Variants in LRP2 observed in about 807,000 individuals in gnomAD.
LRP2 encodes the protein low-density lipoprotein receptor-related protein 2.
LRP2 carries 172 observed loss-of-function variants against 531.0 expected under a neutral mutation model. The ratio of observed to expected loss-of-function variants is 0.32; its 90% confidence interval spans 0.29 to 0.37. The LOEUF is 0.37. LRP2 is among the 10% of genes least tolerant of loss of function. The pLI is 1.00. For missense variants in LRP2, 5,167 were observed against 5,868.3 expected, an observed-to-expected ratio of 0.88 and a Z score of 3.90; for synonymous variants, 1,992 against 2,027.6, an observed-to-expected ratio of 0.98 and a Z score of 0.47.
At chr2:169,305,622 G>C (rs889940047) in intron 4 of LRP2, among the ~76,000 whole-genome samples, 2 of 152,078 alleles carry the variant, frequency 1.3e-5, no homozygotes, top group African/African-American at 4.8e-5. Flanking sequence ...GATTTCTAAG[G>C]TACACAAAAA....
Position 169,345,884 on chromosome 2 carries a change from A to G in LRP2, c.79+16437T>C, listed in dbSNP as rs112637319. On this transcript the variant is annotated intron_variant, in intron 1 of 78. Coordinates refer to ENST00000649046, the MANE Select transcript of LRP2 (RefSeq NM_004525.3). ...AAAACAAAACAAAACAAAACAAAAC[A>G]AAAGTCAATTGTCTTTGATCCACCA... Among the ~76,000 whole-genome samples the G allele has an allele frequency of 3.8e-3, 581 of 152,280 alleles. 3 individuals carry two copies. Among genetic ancestry groups the G allele is most frequent in the African/African-American group, 0.012 (503 of 41,546 alleles).
At chr2:169,288,302 G>A (rs1683909839) in intron 9 of LRP2, among the ~76,000 whole-genome samples, 1 of 152,162 alleles carries the variant, frequency 6.6e-6, no homozygotes, top group Non-Finnish European at 1.5e-5. Context: ...GAGATATAAA[G>A]CTGGCATCAA....
intron 15 of LRP2, chr2:169,271,559 T>A (rs1208130040): frequency 5.5e-6 from 1 of 183,350 alleles, no homozygotes; most frequent in African/African-American, 2.4e-5. Context: ...AATTAGATAC[T>A]GAGTTTTAAT....
intron 41 of LRP2, 21 bp from the exon 42 acceptor site, chr2:169,204,292 A>T (rs1474170268): frequency 6.8e-6 from 11 of 1,606,714 alleles, no homozygotes; most frequent in Non-Finnish European, 9.3e-6. Flanking sequence ...GCAAAAAAAA[A>T]TTTAGAAGTT....
chr2:169,277,874 C>T lies in LRP2; in HGVS notation c.1643G>A (p.Arg548His), dbSNP rs761553601. Residue 548 changes from arginine to histidine, a missense_variant, in exon 13 of 79, where the codon CGT becomes CAT. This residue lies in a region of LRP2 where 2,811 missense variants were observed against 3,058.0 expected (regional missense o/e 0.92). Transcript: ENST00000649046. ...LERAFMDGSN[R>H]KDLVKTKLGW... The stretch of plus-strand genomic sequence containing the variant: ...CAGCTTTGTTTTCACCAAGTCTTTA[C>T]GGTTGCTGCCATCCATGAATGCCCT... 8.1e-6 allele frequency: 13 copies of T among 1,613,958 alleles called. No homozygotes were observed. Among genetic ancestry groups the T allele is most frequent in the East Asian group, 2.2e-5 (1 of 44,894 alleles).
chr2:169,327,883 T>TG (rs1559077808), intron 1 of LRP2, among the ~76,000 whole-genome samples: 1 of 45,500 alleles, frequency 2.2e-5, no homozygotes, highest in Non-Finnish European at 4.0e-5. Flanking sequence ...GGAAGGGAGG[T>TG]GGGGGGGTCA....
rs1558971621 is a variant in LRP2, at chr2:169,137,507, CAGAAAGAGAGAG to C, written c.13519-26_13519-15del. ...AAAGTCTTCACTCTGATGGCAGAGA[CAGAAAGAGAGAG>C]AGAGAGAGAGAGAGAAACAGAGAGA... is the stretch of plus-strand genomic sequence containing the variant. On this transcript the variant is annotated splice_polypyrimidine_tract_variant and intron_variant, in intron 75 of 78. Transcript: ENST00000649046. 6.9e-7 allele frequency: 1 copy of C among 1,444,788 alleles called. No homozygotes were observed. 89.5% of individuals were successfully genotyped at this position (1,444,788 alleles called of 1,614,324 possible).
In LRP2 at chr2:169,359,447, CT is replaced by C. The variant is rs528635247; in HGVS notation, c.79+2873del. ...GACTAAACATAGAATACTCAGAGCT[CT>C]TTTTTTTCCCCTCCAATTTTTAGTG... On this transcript the variant is annotated intron_variant, in intron 1 of 78. Transcript: ENST00000649046. 5.0e-3 allele frequency among the ~76,000 whole-genome samples: 764 copies of C among 152,166 alleles called. 10 individuals carry two copies. Among genetic ancestry groups the C allele is most frequent in the African/African-American group, 0.018 (731 of 41,494 alleles).
intron 16 of LRP2, among the ~76,000 whole-genome samples, chr2:169,262,868 A>T (rs1690625435): frequency 2.0e-5 from 3 of 152,222 alleles, no homozygotes; most frequent in Non-Finnish European, 4.4e-5. Flanking sequence ...ATAGTAAGCA[A>T]AACAGCATGG....
intron 24 of LRP2, among the ~76,000 whole-genome samples, chr2:169,242,520 G>A (rs960204894): frequency 6.6e-6 from 1 of 151,686 alleles, no homozygotes; most frequent in Admixed American, 6.6e-5. Flanking sequence ...ACACATAATA[G>A]CACAAAGAAT....
chr2:169,204,478 T>G (rs1326443517), intron 41 of LRP2, among the ~76,000 whole-genome samples: 2 of 152,186 alleles, frequency 1.3e-5, no homozygotes, highest in African/African-American at 4.8e-5. Flanking sequence ...AATCATTGAC[T>G]TCCAAATATG....
intron 76 of LRP2, among the ~76,000 whole-genome samples, chr2:169,136,752 T>C (rs1685530142): frequency 6.6e-6 from 1 of 151,968 alleles, no homozygotes; most frequent in East Asian, 1.9e-4. Flanking sequence ...TGACTCTCTT[T>C]TCGGACTCAG....
chr2:169,139,202 A>G, intron 74 of LRP2, 49 bp downstream of exon 74: 2 of 1,613,286 alleles, frequency 1.2e-6, no homozygotes, highest in South Asian at 1.1e-5. Context: ...ATGGCTTCAT[A>G]TGAATTTCTT....
chr2:169,223,029 T>A (rs1045517744), intron 33 of LRP2, among the ~76,000 whole-genome samples: 8 of 152,208 alleles, frequency 5.3e-5, no homozygotes, highest in Non-Finnish European at 1.2e-4. Flanking sequence ...CACAGATATG[T>A]GAGCTACTTA....
intron 76 of LRP2, among the ~76,000 whole-genome samples, chr2:169,136,555 C>G (rs1445915542): frequency 1.3e-5 from 2 of 152,034 alleles, no homozygotes; most frequent in East Asian, 3.9e-4. Context: ...AATGGCCGGT[C>G]CTTGCCTTAA....
At chr2:169,255,953 T>C (rs530364802) in intron 19 of LRP2, among the ~76,000 whole-genome samples, 153 bp downstream of exon 19, 2 of 131,952 alleles carry the variant, frequency 1.5e-5, no homozygotes, top group East Asian at 4.3e-4. Context: ...ACAAACCAAA[T>C]GTTTTGTCTA....
chr2:169,212,164 G>A lies in LRP2; in HGVS notation c.6084C>T (p.Ala2028=), dbSNP rs1688617351. 13 of 1,613,932 alleles carry A rather than the reference G, an allele frequency of 8.1e-6. No individual in the cohort carries two copies. The highest frequency in any genetic ancestry group is 1.1e-5 in the Non-Finnish European group (13 of 1,179,958). The change falls in exon 37 of 79, where the codon GCC becomes GCT. Residue 2028 remains alanine, a synonymous_variant. Coordinates refer to ENST00000649046, the MANE Select transcript of LRP2 (RefSeq NM_004525.3). ...SSNGCSNNMN[A]CQQICLPVPG... ...GTACAGGCAGGCAAATCTGCTGACAGGCATTCATGTTGTTGCTACAGCCAT... is the reference window on the plus strand; with the variant it reads ...GTACAGGCAGGCAAATCTGCTGACAAGCATTCATGTTGTTGCTACAGCCAT...
At chr2:169,183,923 C>T (rs758708902) in intron 50 of LRP2, among the ~76,000 whole-genome samples, 2 of 152,098 alleles carry the variant, frequency 1.3e-5, no homozygotes, top group Non-Finnish European at 2.9e-5. Context: ...TGTAACTGGG[C>T]TCCATTCTGC....
At chr2:169,284,042 C>G (rs1240344043) in intron 9 of LRP2, among the ~76,000 whole-genome samples, 1 of 152,026 alleles carries the variant, frequency 6.6e-6, no homozygotes, top group East Asian at 1.9e-4. Flanking sequence ...AGTTCCCACA[C>G]CCTCTGGTTT....
Sources: allele counts gnomAD v4.1 joint callset (sites outside exome capture counted in the v4.1 genomes callset), GRCh38; gene constraint gnomAD v4.1.1; regional missense constraint gnomAD v4.1.1; transcripts MANE v1.5; gene names NCBI Gene and HGNC (gene_info 2026-07-23, HGNC 2026-07-21).